The following TRIM71 variants were observed in gnomAD, a reference collection of about 807,000 sequenced individuals.
TRIM71 encodes E3 ubiquitin-protein ligase TRIM71.
TRIM71 carries 9 observed loss-of-function variants against 61.2 expected under a neutral mutation model. That is an observed-to-expected ratio of 0.15 (90% confidence interval 0.09 to 0.26). TRIM71 has a LOEUF of 0.26. Among genes scored for constraint, TRIM71 ranks in the 10% least tolerant of loss-of-function variants. The probability of loss-of-function intolerance (pLI) is 1.00; values close to 1 mark genes in which losing one functional copy is unlikely to be tolerated. For missense variants in TRIM71, 998 were observed against 1,238.7 expected (o/e 0.81, Z 2.92); for synonymous variants, 645 against 553.2 (o/e 1.17, Z -2.33).
chr3:32,872,811 G>A (rs967498880), intron 1 of TRIM71, among the ~76,000 whole-genome samples: 6 of 152,200 alleles, frequency 3.9e-5, no homozygotes, highest in African/African-American at 1.4e-4. Flanking sequence ...AAGTGTGGGT[G>A]TTGTATTTGT....
At chr3:32,889,126 G>A (rs1218242677) in intron 3 of TRIM71, among the ~76,000 whole-genome samples, 3 of 152,088 alleles carry the variant, frequency 2.0e-5, no homozygotes, top group Non-Finnish European at 4.4e-5. Context: ...TTTGAATACT[G>A]CTTTTCTAAA....
chr3:32,818,016 C>A lies in TRIM71; in HGVS notation c.-65C>A. 1.3e-6 allele frequency: 2 copies of A among 1,505,486 alleles called. No individual in the cohort carries two copies. The highest frequency in any genetic ancestry group is 1.8e-6 in the Non-Finnish European group (2 of 1,092,984). The allele number at this position is 1,505,486 out of a possible 1,614,324, so 93.3% of individuals were successfully genotyped here. On this transcript the variant is annotated 5_prime_UTR_variant, in exon 1 of 4. Coordinates refer to ENST00000383763, the MANE Select transcript of TRIM71 (RefSeq NM_001039111.3). Reference sequence around the variant, plus strand: ...TCGGTGACTCCCCCACCCACCTCGTCCGCTCTCTCCTCCTCCTCCTCCTCT... The same window carrying A: ...TCGGTGACTCCCCCACCCACCTCGTACGCTCTCTCCTCCTCCTCCTCCTCT...
At chr3:32,873,015 G>C (rs976685871) in intron 1 of TRIM71, among the ~76,000 whole-genome samples, 1 of 151,536 alleles carries the variant, frequency 6.6e-6, no homozygotes, top group African/African-American at 2.4e-5. Flanking sequence ...TCTCTTGAGA[G>C]CTCCTTGTTT....
At chr3:32,860,940 C>T (rs28451698) in intron 1 of TRIM71, among the ~76,000 whole-genome samples, 2,561 of 151,992 alleles carry the variant, frequency 0.017, 70 homozygotes, top group African/African-American at 0.058. Context: ...TTTGGGAGGC[C>T]GAGGCAGGCA....
At chr3:32,838,553 T>C (rs1018512481) in intron 1 of TRIM71, among the ~76,000 whole-genome samples, 4 of 148,728 alleles carry the variant, frequency 2.7e-5, no homozygotes, top group African/African-American at 9.9e-5. Flanking sequence ...TCAAGCATTT[T>C]AGGGGCATGC....
intron 1 of TRIM71, among the ~76,000 whole-genome samples, chr3:32,843,479 G>A (rs1246314835): frequency 6.6e-6 from 1 of 152,172 alleles, no homozygotes; most frequent in Non-Finnish European, 1.5e-5. Flanking sequence ...TGGAGTGGAT[G>A]GCCCAGTTGT....
At chr3:32,823,236 C>T (rs1228896108) in intron 1 of TRIM71, among the ~76,000 whole-genome samples, 1 of 152,322 alleles carries the variant, frequency 6.6e-6, no homozygotes, top group East Asian at 1.9e-4. Flanking sequence ...AATTGCTTAG[C>T]CTTTGTGGGC....
intron 1 of TRIM71, among the ~76,000 whole-genome samples, chr3:32,822,403 A>T (rs760037581): frequency 4.6e-5 from 7 of 152,062 alleles, no homozygotes; most frequent in Non-Finnish European, 1.0e-4. Flanking sequence ...TAGAATTCCA[A>T]CTTGATTTGA....
intron 1 of TRIM71, among the ~76,000 whole-genome samples, chr3:32,854,880 G>C (rs1349613957): frequency 6.6e-6 from 1 of 152,188 alleles, no homozygotes; most frequent in Non-Finnish European, 1.5e-5. Context: ...GGAAAAGTCA[G>C]TTCCAGCCTT....
chr3:32,832,715 A>G (rs1270088376), intron 1 of TRIM71, among the ~76,000 whole-genome samples: 3 of 152,102 alleles, frequency 2.0e-5, no homozygotes, highest in African/African-American at 7.2e-5. Flanking sequence ...AAGATTGTAA[A>G]ATTAGACCTT....
At chr3:32,883,070 A>C (rs1390884433) in intron 2 of TRIM71, among the ~76,000 whole-genome samples, 1 of 152,200 alleles carries the variant, frequency 6.6e-6, no homozygotes, top group Non-Finnish European at 1.5e-5. Flanking sequence ...ATACCTGTTT[A>C]ACCATTTCCC....
chr3:32,880,727 T>G (rs2125690780), intron 2 of TRIM71, among the ~76,000 whole-genome samples: 1 of 152,354 alleles, frequency 6.6e-6, no homozygotes, highest in East Asian at 1.9e-4. Flanking sequence ...ATTCTGTTAC[T>G]TTCACTTTGC....
intron 1 of TRIM71, among the ~76,000 whole-genome samples, chr3:32,823,845 G>A (rs1373747364): frequency 1.3e-5 from 2 of 151,966 alleles, no homozygotes; most frequent in Non-Finnish European, 2.9e-5. Context: ...AGGCCGAGGC[G>A]GGCGGATCAC....
chr3:32,846,441 T>A (rs1465461124), intron 1 of TRIM71, among the ~76,000 whole-genome samples: 1 of 152,242 alleles, frequency 6.6e-6, no homozygotes, highest in Non-Finnish European at 1.5e-5. Context: ...TGATGTTTGG[T>A]ATATACATAC....
intron 1 of TRIM71, among the ~76,000 whole-genome samples, chr3:32,858,449 G>A (rs1006245224): frequency 3.9e-5 from 6 of 152,188 alleles, no homozygotes; most frequent in African/African-American, 1.4e-4. Context: ...CAGCACACTT[G>A]ACTATGAGGC....
intron 1 of TRIM71, among the ~76,000 whole-genome samples, chr3:32,852,299 G>A (rs1696547687): frequency 6.6e-6 from 1 of 152,154 alleles, no homozygotes; most frequent in African/African-American, 2.4e-5. Flanking sequence ...AGGGAGGGTG[G>A]GGGTTGGGAG....
intron 1 of TRIM71, among the ~76,000 whole-genome samples, chr3:32,864,924 GCTCAAC>G (rs1696715390): frequency 6.7e-6 from 1 of 150,050 alleles, no homozygotes; most frequent in South Asian, 2.1e-4. Flanking sequence ...GCTAATTTTA[GCTCAAC>G]ATGGGGGGTG....
intron 1 of TRIM71, among the ~76,000 whole-genome samples, chr3:32,861,263 C>T (rs894500290): frequency 2.6e-5 from 4 of 151,084 alleles, no homozygotes; most frequent in Admixed American, 1.3e-4. Context: ...CTGCAACCTC[C>T]GCCTCCAGGT....
chr3:32,850,026 A>C (rs1285084189), intron 1 of TRIM71, among the ~76,000 whole-genome samples: 4 of 152,218 alleles, frequency 2.6e-5, no homozygotes, highest in African/African-American at 9.6e-5. Flanking sequence ...ATGTATTGCC[A>C]AAAATGAAAC....
Sources: allele counts gnomAD v4.1 joint callset (sites outside exome capture counted in the v4.1 genomes callset), GRCh38; gene constraint gnomAD v4.1.1; transcripts MANE v1.5; gene names NCBI Gene and HGNC (gene_info 2026-07-23, HGNC 2026-07-21).